The following CDH13 variants were observed in gnomAD, a reference collection of about 807,000 sequenced individuals.
CDH13 encodes cadherin 13.
In CDH13, 24 loss-of-function variants were observed where a neutral mutation model predicts 63.8. The ratio of observed to expected loss-of-function variants is 0.38; its 90% CI spans 0.27 to 0.53. The LOEUF is 0.53. Among genes scored for constraint, CDH13 ranks in the 20% least tolerant of loss-of-function variants. The pLI, the probability that CDH13 is intolerant of heterozygous loss-of-function variation, is 0.85. For missense variants in CDH13, 1,049 were observed against 903.1 expected (o/e 1.16, Z -2.07); for synonymous variants, 503 against 355.3 (o/e 1.42, Z -4.67).
chr16:83,220,856 G>A (rs923359038), intron 5 of CDH13, among the ~76,000 whole-genome samples: 4 of 152,134 alleles, frequency 2.6e-5, no homozygotes, highest in African/African-American at 9.7e-5. Flanking sequence ...AAATAATCTG[G>A]AATACATTTG....
At chr16:83,756,246 A>C (rs1913497793) in intron 11 of CDH13, among the ~76,000 whole-genome samples, 1 of 152,244 alleles carries the variant, frequency 6.6e-6, no homozygotes, top group Non-Finnish European at 1.5e-5. Flanking sequence ...TATATACCTA[A>C]TTATACCACA....
At chr16:83,164,015 T>A (rs1398515167) in intron 4 of CDH13, among the ~76,000 whole-genome samples, 2 of 151,984 alleles carry the variant, frequency 1.3e-5, no homozygotes, top group Non-Finnish European at 2.9e-5. Context: ...AATTTAATAA[T>A]CACACCAACA....
chr16:82,627,168 G>C (rs1306234494), intron 1 of CDH13, 31 bp downstream of exon 1: 4 of 1,582,506 alleles, frequency 2.5e-6, no homozygotes, highest in Non-Finnish European at 3.4e-6. Context: ...GGCGCGCTCT[G>C]CGCCCCGTTT....
intron 1 of CDH13, among the ~76,000 whole-genome samples, chr16:82,761,912 T>C (rs894017693): frequency 3.9e-5 from 6 of 152,132 alleles, no homozygotes; most frequent in African/African-American, 1.4e-4. Context: ...CTTTAGATAA[T>C]AAGAAAAATG....
chr16:83,435,691 A>G (rs1195587618), intron 6 of CDH13, among the ~76,000 whole-genome samples: 1 of 152,148 alleles, frequency 6.6e-6, no homozygotes, highest in East Asian at 1.9e-4. Context: ...CTCAGCCTCC[A>G]GCTTCAGCTC....
chr16:83,441,045 T>G (rs1328086928), intron 6 of CDH13, among the ~76,000 whole-genome samples: 1 of 152,200 alleles, frequency 6.6e-6, no homozygotes, highest in Non-Finnish European at 1.5e-5. Flanking sequence ...CTTGTCAAGA[T>G]TTTATTATCT....
At chr16:83,233,297 C>T (rs2040054979) in intron 5 of CDH13, among the ~76,000 whole-genome samples, 1 of 152,196 alleles carries the variant, frequency 6.6e-6, no homozygotes, top group African/African-American at 2.4e-5. Flanking sequence ...CCCTCTCACC[C>T]AGTGACGACC....
At chr16:83,743,555 G>T (rs977781433) in intron 10 of CDH13, among the ~76,000 whole-genome samples, 7 of 152,154 alleles carry the variant, frequency 4.6e-5, no homozygotes, top group African/African-American at 1.7e-4. Context: ...AAAGAGCATT[G>T]CTTGTACGCC....
At chr16:83,459,565 G>T (rs1449417785) in intron 6 of CDH13, among the ~76,000 whole-genome samples, 3 of 152,122 alleles carry the variant, frequency 2.0e-5, no homozygotes, top group Non-Finnish European at 2.9e-5. Context: ...ATTAAACTTT[G>T]CAATTTGGTT....
At chr16:83,771,864 G>A (rs1567585494) in intron 11 of CDH13, among the ~76,000 whole-genome samples, 2 of 152,164 alleles carry the variant, frequency 1.3e-5, no homozygotes, top group African/African-American at 4.8e-5. Flanking sequence ...TGTATTAGGA[G>A]GTAAAATTAA....
intron 1 of CDH13, among the ~76,000 whole-genome samples, chr16:82,856,927 C>T (rs1391364503): frequency 3.9e-5 from 6 of 152,164 alleles, no homozygotes; most frequent in African/African-American, 9.7e-5. Flanking sequence ...GGGATATTTA[C>T]ATACCATTCC....
chr16:82,726,494 C>T (rs1373197861), intron 1 of CDH13, among the ~76,000 whole-genome samples: 1 of 152,176 alleles, frequency 6.6e-6, no homozygotes, highest in Non-Finnish European at 1.5e-5. Context: ...TTCTCATGAG[C>T]TGTTCAAAAA....
intron 11 of CDH13, among the ~76,000 whole-genome samples, chr16:83,753,693 T>C (rs1913276096): frequency 1.3e-5 from 2 of 152,192 alleles, no homozygotes; most frequent in South Asian, 4.1e-4. Context: ...TGAACCAAAA[T>C]AAATTGATTT....
At chr16:83,518,482 T>G (rs914840286) in intron 7 of CDH13, among the ~76,000 whole-genome samples, 4 of 98,100 alleles carry the variant, frequency 4.1e-5, no homozygotes, top group African/African-American at 1.5e-4. Flanking sequence ...TTGTTTTTTG[T>G]TTTTTTTTGA....
At chr16:82,741,926 G>A (rs1309188484) in intron 1 of CDH13, among the ~76,000 whole-genome samples, 1 of 151,978 alleles carries the variant, frequency 6.6e-6, no homozygotes, top group Non-Finnish European at 1.5e-5. Context: ...CCAGAAATTT[G>A]ATTTTAAATA....
chr16:83,113,476 T>C (rs1431856260), intron 3 of CDH13, among the ~76,000 whole-genome samples: 4 of 152,266 alleles, frequency 2.6e-5, no homozygotes, highest in Admixed American at 6.5e-5. Context: ...GCTCTATGCC[T>C]GTCTTGTGCT....
Position 83,217,493 on chromosome 16 carries a change from A to G in CDH13, c.632A>G (p.Tyr211Cys). The stretch of plus-strand genomic sequence containing the variant: ...TTGGACAGAGAAGTAATCGCTGTTT[A>G]TCAAGTGAGTACCCCTCTCCCATGC... Reference protein sequence around the residue: ...RTLDREVIAVYQLFVETTDVN... With the variant: ...RTLDREVIAVCQLFVETTDVN... Residue 211 changes from tyrosine (Y) to cysteine (C), a missense_variant, in exon 5 of 14, where the codon TAT (tyrosine) becomes TGT (cysteine). Physicochemically the swap from Tyr to Cys is radical, Grantham distance 194 (BLOSUM62 -2). Transcript: ENST00000567109. 1 of 1,613,452 alleles carries G rather than the reference A, an allele frequency of 6.2e-7. No individual in the cohort carries two copies. The highest frequency in any genetic ancestry group is 1.7e-5 in the Admixed American group (1 of 59,998).
rs139230989 is a variant in CDH13, at chr16:83,099,831, G to A, written c.367-25554G>A. On this transcript the variant is annotated intron_variant, in intron 3 of 13. Transcript: ENST00000567109. ...TCATTTGAAAAGTGCTCAGCATAGC[G>A]CCAGACGCGGGAGAGCACTCAGTAA... 2.3e-3 allele frequency among the ~76,000 whole-genome samples: 356 copies of A among 152,172 alleles called. 1 individual carries two copies. The highest frequency in any genetic ancestry group is 8.0e-3 in the African/African-American group (332 of 41,528).
intron 6 of CDH13, among the ~76,000 whole-genome samples, chr16:83,480,448 G>A (rs930451446): frequency 1.2e-4 from 18 of 144,244 alleles, no homozygotes; most frequent in South Asian, 4.3e-4. Flanking sequence ...GCACACCAGG[G>A]TCTCTTTCTT....
Sources: gnomAD v4.1 joint callset for allele counts (sites outside exome capture counted in the v4.1 genomes callset) on GRCh38, gnomAD v4.1.1 for gene constraint, MANE v1.5 for transcripts, NCBI Gene and HGNC (gene_info 2026-07-23, HGNC 2026-07-21) for gene names.